Variants in IPO11 observed in about 807,000 individuals in gnomAD.
The protein encoded by IPO11 is importin 11.
IPO11 carries 66 observed loss-of-function variants against 143.2 expected under a neutral mutation model. That is an observed-to-expected ratio of 0.46 (90% CI 0.38 to 0.57). The LOEUF is 0.57. Ranked by LOEUF, IPO11 falls within the 20% of genes least tolerant of loss-of-function variation. The probability of loss-of-function intolerance (pLI) is 0.00; values close to 1 mark genes in which losing one functional copy is unlikely to be tolerated. For synonymous variants in IPO11, 385 were observed against 377.8 expected (o/e 1.02, Z -0.22); for missense variants, 1,026 against 1,141.0 (o/e 0.90, Z 1.45).
chr5:62,531,398 G>A (rs1178169121), intron 22 of IPO11, among the ~76,000 whole-genome samples: 1 of 152,122 alleles, frequency 6.6e-6, no homozygotes, highest in Non-Finnish European at 1.5e-5. Context: ...GTGTAGTGGT[G>A]TGATCTTGGC....
intron 11 of IPO11, among the ~76,000 whole-genome samples, chr5:62,484,430 C>T (rs908437201): frequency 3.9e-5 from 6 of 151,922 alleles, no homozygotes; most frequent in African/African-American, 1.4e-4. Context: ...CATGTAGTTT[C>T]AAACAAAAAT....
intron 29 of IPO11, among the ~76,000 whole-genome samples, chr5:62,604,676 AT>A (rs1745637106): frequency 6.6e-6 from 1 of 152,102 alleles, no homozygotes; most frequent in South Asian, 2.1e-4. Context: ...TAAGTGGCCG[AT>A]TTTAAGTTAC....
At chr5:62,618,595 G>T (rs1746227777) in intron 29 of IPO11, among the ~76,000 whole-genome samples, 1 of 152,130 alleles carries the variant, frequency 6.6e-6, no homozygotes, top group African/African-American at 2.4e-5. Context: ...TAAAATATTA[G>T]GGATAAGAAG....
chr5:62,599,217 A>G (rs1357276246), intron 28 of IPO11, among the ~76,000 whole-genome samples: 1 of 152,254 alleles, frequency 6.6e-6, no homozygotes, highest in Non-Finnish European at 1.5e-5. Context: ...GATATTGGAC[A>G]TTAAGAAAAT....
At position 62,591,640 on chromosome 5, in the gene IPO11, G is replaced by A. The variant is rs377248497; in HGVS notation, c.2646G>A (p.Met882Ile). Residue 882 changes from methionine to isoleucine, a missense_variant, in exon 28 of 30, where the codon ATG (methionine) becomes ATA (isoleucine). Physicochemically the swap from Met to Ile is conservative, Grantham distance 10 (BLOSUM62 1). Around this residue, in one of 5 missense-constraint regions of IPO11, gnomAD observed 351 missense variants for 358.9 expected, o/e 0.98. Transcript: ENST00000325324. ...NISVEGLHDV[M>I]TEDPETGTYK... Reference sequence around the variant, plus strand: ...CAGTAGAAGGCCTGCATGATGTCATGACGGAAGATCCTGAAACAGGAACTT... The same window carrying A: ...CAGTAGAAGGCCTGCATGATGTCATAACGGAAGATCCTGAAACAGGAACTT... The A allele has an allele frequency of 2.5e-6, 4 of 1,608,536 alleles. No individual in the cohort carries two copies. Among genetic ancestry groups the A allele is most frequent in the Non-Finnish European group, 3.4e-6 (4 of 1,177,850 alleles).
At chr5:62,481,671 T>C (rs1746218712) in intron 9 of IPO11, among the ~76,000 whole-genome samples, 1 of 152,134 alleles carries the variant, frequency 6.6e-6, no homozygotes, top group African/African-American at 2.4e-5. Flanking sequence ...TTTGCCAGTA[T>C]TTTATTGAGG....
At position 62,588,691 on chromosome 5, in the gene IPO11, C is replaced by G. The variant is rs141201019; in HGVS notation, c.2583-2886C>G. ...TTAAACCCCGCATCCTCAAACTCTA[C>G]CAGCTTTGCAAGCTTCCAAGCCTGA... On this transcript the variant is annotated intron_variant, in intron 27 of 29. Coordinates refer to ENST00000325324, the MANE Select transcript of IPO11 (RefSeq NM_016338.5). 6.5e-3 allele frequency among the ~76,000 whole-genome samples: 986 copies of G among 152,338 alleles called. 7 individuals carry two copies. Among genetic ancestry groups the G allele is most frequent in the Middle Eastern group, 0.027 (8 of 294 alleles).
chr5:62,570,046 A>T (rs1236487714), intron 27 of IPO11, among the ~76,000 whole-genome samples: 1 of 152,182 alleles, frequency 6.6e-6, no homozygotes, highest in Non-Finnish European at 1.5e-5. Flanking sequence ...TTTGCGTAAC[A>T]TACCTATTTT....
intron 27 of IPO11, chr5:62,580,969 G>A: frequency 1.9e-6 from 3 of 1,551,106 alleles, no homozygotes; most frequent in Non-Finnish European, 2.6e-6. Context: ...TTCAATGTCA[G>A]GGAAAACATC....
chr5:62,514,609 A>AGGGAGAGGGAGATGGGAGAGGGAGAC (rs1561343944), intron 19 of IPO11, among the ~76,000 whole-genome samples: 1 of 114,864 alleles, frequency 8.7e-6, no homozygotes, highest in African/African-American at 3.6e-5. Context: ...GAGACGGGAG[A>AGGGAGAGGGAGATGGGAGAGGGAGAC]GGGAGAGGGA....
intron 5 of IPO11, among the ~76,000 whole-genome samples, chr5:62,457,828 A>C (rs760512694): frequency 5.1e-4 from 77 of 152,146 alleles, no homozygotes; most frequent in Non-Finnish European, 7.1e-4. Flanking sequence ...CCTGTAAGAT[A>C]TTTACAGTGC....
chr5:62,422,007 A>G (rs1743531692), intron 1 of IPO11, among the ~76,000 whole-genome samples: 1 of 152,248 alleles, frequency 6.6e-6, no homozygotes, highest in Non-Finnish European at 1.5e-5. Flanking sequence ...CCTAACTGCT[A>G]GTTATAAATT....
chr5:62,507,256 C>T (rs943370477), intron 19 of IPO11, among the ~76,000 whole-genome samples: 1 of 152,148 alleles, frequency 6.6e-6, no homozygotes, highest in African/African-American at 2.4e-5. Context: ...AAGCATAATG[C>T]GACTCCCGTG....
chr5:62,623,160 T>G (rs764521485), intron 29 of IPO11, among the ~76,000 whole-genome samples: 5 of 152,234 alleles, frequency 3.3e-5, no homozygotes, highest in Non-Finnish European at 7.3e-5. Flanking sequence ...AGAAGGGAAT[T>G]TTTAAACCAA....
At chr5:62,544,267 G>A (rs376361461) in intron 24 of IPO11, among the ~76,000 whole-genome samples, 3 of 151,952 alleles carry the variant, frequency 2.0e-5, no homozygotes, top group East Asian at 3.9e-4. Flanking sequence ...GATCAAGTGG[G>A]CTTCATCCCC....
intron 5 of IPO11, among the ~76,000 whole-genome samples, chr5:62,463,672 C>CAA (rs34276216): frequency 0.11 from 12,356 of 113,810 alleles, 530 homozygotes; most frequent in East Asian, 0.17. Context: ...CTCTTTGTCT[C>CAA]AAAAAAAAAA....
chr5:62,527,401 C>T (rs1259211522), intron 21 of IPO11, among the ~76,000 whole-genome samples: 1 of 152,184 alleles, frequency 6.6e-6, no homozygotes, highest in Non-Finnish European at 1.5e-5. Flanking sequence ...GTAGGTATGG[C>T]TGTGCGCCAA....
intron 1 of IPO11, among the ~76,000 whole-genome samples, chr5:62,434,391 TC>T (rs1561308321): frequency 6.6e-6 from 1 of 152,036 alleles, no homozygotes; most frequent in Non-Finnish European, 1.5e-5. Context: ...ATCCTGGACC[TC>T]CCTGGGCTCA....
intron 19 of IPO11, among the ~76,000 whole-genome samples, chr5:62,514,332 G>A (rs1467303881): frequency 2.0e-5 from 3 of 152,122 alleles, no homozygotes; most frequent in African/African-American, 7.3e-5. Context: ...GACTCCGTCT[G>A]CAATCCTGGC....
Sources: allele counts gnomAD v4.1 joint callset (sites outside exome capture counted in the v4.1 genomes callset), GRCh38; gene constraint gnomAD v4.1.1; regional missense constraint gnomAD v4.1.1; transcripts MANE v1.5; gene names NCBI Gene and HGNC (gene_info 2026-07-23, HGNC 2026-07-21).